Variants in POU6F2 observed in about 807,000 individuals in gnomAD.
POU6F2 encodes the protein POU domain, class 6, transcription factor 2.
In POU6F2, 31 loss-of-function variants were observed where a neutral mutation model predicts 71.3. The observed-to-expected ratio is 0.43, with a 90% CI of 0.33 to 0.59. The LOEUF is 0.59. Among genes scored for constraint, POU6F2 ranks in the 20% least tolerant of loss-of-function variants. POU6F2 has a pLI of 0.04. For synonymous variants in POU6F2, 347 were observed against 355.7 expected (o/e 0.98, Z 0.27); for missense variants, 783 against 856.8 (o/e 0.91, Z 1.07).
At chr7:39,239,622 A>G (rs973703686) in intron 4 of POU6F2, among the ~76,000 whole-genome samples, 2 of 152,142 alleles carry the variant, frequency 1.3e-5, no homozygotes, top group Non-Finnish European at 2.9e-5. Context: ...GTGGACTTAT[A>G]TCTGCCTCAT....
intron 2 of POU6F2, among the ~76,000 whole-genome samples, chr7:39,099,582 G>A (rs939233156): frequency 6.6e-6 from 1 of 152,152 alleles, no homozygotes; most frequent in Admixed American, 6.5e-5. Context: ...GTGTTATGAC[G>A]ATTTTAGAAA....
intron 4 of POU6F2, among the ~76,000 whole-genome samples, chr7:39,261,065 GCACACACACACACACA>G (rs72377948): frequency 6.8e-6 from 1 of 147,876 alleles, no homozygotes. Flanking sequence ...ATACACACAT[GCACACACACACACACA>G]CACACACACA....
chr7:39,451,461 ACTT>A, intron 7 of POU6F2, 69 bp from the exon 8 acceptor site: 1 of 1,423,236 alleles, frequency 7.0e-7, no homozygotes, highest in Non-Finnish European at 9.6e-7. Flanking sequence ...CCCAGATAAA[ACTT>A]CTGTTCCCTG....
intron 2 of POU6F2, among the ~76,000 whole-genome samples, chr7:39,153,577 T>A (rs889221216): frequency 1.6e-4 from 25 of 152,190 alleles, no homozygotes; most frequent in African/African-American, 6.0e-4. Flanking sequence ...AATGAAATCA[T>A]TATCCTCATA....
At position 39,155,067 on chromosome 7, in the gene POU6F2, G is replaced by T. The variant is rs566599338; in HGVS notation, c.278-49168G>T. 7.9e-4 allele frequency among the ~76,000 whole-genome samples: 121 copies of T among 152,234 alleles called. 1 individual carries two copies. Among genetic ancestry groups the T allele is most frequent in the Admixed American group, 5.0e-3 (76 of 15,282 alleles). On this transcript the variant is annotated intron_variant, in intron 2 of 9. Coordinates refer to ENST00000518318, the MANE Select transcript of POU6F2 (RefSeq NM_001370959.1). ...AAAAGAACCACACCTGAAAGTGAAAGTTGAGTAGTGACTTTCCTCAATGAC... is the reference window on the plus strand; with the variant it reads ...AAAAGAACCACACCTGAAAGTGAAATTTGAGTAGTGACTTTCCTCAATGAC...
chr7:39,255,400 C>T (rs1374922214), intron 4 of POU6F2, among the ~76,000 whole-genome samples: 1 of 152,174 alleles, frequency 6.6e-6, no homozygotes, highest in Non-Finnish European at 1.5e-5. Flanking sequence ...ACATATGCCT[C>T]ATGGAAAGAA....
intron 4 of POU6F2, among the ~76,000 whole-genome samples, chr7:39,240,678 G>A (rs1405789856): frequency 6.6e-6 from 1 of 151,996 alleles, no homozygotes; most frequent in Non-Finnish European, 1.5e-5. Context: ...CACAAAGTAG[G>A]TACTAAAAAA....
intron 4 of POU6F2, among the ~76,000 whole-genome samples, chr7:39,220,505 AC>A (rs1562751991): frequency 6.6e-6 from 1 of 152,074 alleles, no homozygotes; most frequent in African/African-American, 2.4e-5. Flanking sequence ...GCAACCGAAA[AC>A]CCGAGCACCT....
chr7:38,990,329 T>G (rs1039228182), intron 1 of POU6F2, among the ~76,000 whole-genome samples: 10 of 152,164 alleles, frequency 6.6e-5, no homozygotes, highest in African/African-American at 2.4e-4. Context: ...CTAACCTTTT[T>G]CCTGTCAAAT....
intron 4 of POU6F2, among the ~76,000 whole-genome samples, chr7:39,334,419 T>G (rs927150509): frequency 6.6e-6 from 1 of 151,942 alleles, no homozygotes; most frequent in Non-Finnish European, 1.5e-5. Flanking sequence ...ATTTGAGGAA[T>G]GGGTACATTA....
chr7:39,400,471 C>A (rs1003824925), intron 5 of POU6F2, among the ~76,000 whole-genome samples: 2 of 152,134 alleles, frequency 1.3e-5, no homozygotes, highest in Admixed American at 6.5e-5. Flanking sequence ...TCCATTTGAC[C>A]CCAAGAGCAA....
chr7:39,245,965 T>G (rs1783811509), intron 4 of POU6F2, among the ~76,000 whole-genome samples: 1 of 152,178 alleles, frequency 6.6e-6, no homozygotes, highest in Admixed American at 6.5e-5. Context: ...ACTGAAATAT[T>G]ATTCATGATT....
intron 4 of POU6F2, among the ~76,000 whole-genome samples, chr7:39,292,815 C>T (rs960855825): frequency 1.3e-5 from 2 of 152,102 alleles, no homozygotes; most frequent in African/African-American, 2.4e-5. Flanking sequence ...TCACTGGGAA[C>T]GTTAAGCTGT....
intron 2 of POU6F2, among the ~76,000 whole-genome samples, chr7:39,193,754 G>T (rs1451277711): frequency 6.6e-6 from 1 of 152,194 alleles, no homozygotes; most frequent in Non-Finnish European, 1.5e-5. Flanking sequence ...AAACCTAATT[G>T]GATAAAGACG....
chr7:39,449,112 C>G (rs554686128), intron 7 of POU6F2, among the ~76,000 whole-genome samples: 4 of 152,188 alleles, frequency 2.6e-5, no homozygotes, highest in African/African-American at 9.6e-5. Flanking sequence ...AGCAACAATA[C>G]GGGTGTTCAC....
At chr7:39,168,241 T>G (rs1415518017) in intron 2 of POU6F2, among the ~76,000 whole-genome samples, 1 of 152,222 alleles carries the variant, frequency 6.6e-6, no homozygotes, top group East Asian at 1.9e-4. Flanking sequence ...TGTATTTGTG[T>G]AGCACCTTAA....
intron 1 of POU6F2, among the ~76,000 whole-genome samples, chr7:39,074,510 AT>A (rs540691666): frequency 7.2e-5 from 11 of 152,226 alleles, no homozygotes; most frequent in African/African-American, 2.6e-4. Flanking sequence ...AATTTAAAAA[AT>A]GTCTTTCTTC....
chr7:39,419,824 G>A (rs1407843557), intron 6 of POU6F2, among the ~76,000 whole-genome samples: 3 of 152,206 alleles, frequency 2.0e-5, no homozygotes, highest in Admixed American at 2.0e-4. Context: ...GACCGGGTAA[G>A]CTGGACAATC....
chr7:39,054,260 T>C (rs565936810), intron 1 of POU6F2, among the ~76,000 whole-genome samples: 3 of 152,232 alleles, frequency 2.0e-5, no homozygotes, highest in African/African-American at 7.2e-5. Flanking sequence ...ATAATAATTA[T>C]TATTATCCTA....
Sources: allele counts gnomAD v4.1 joint callset (sites outside exome capture counted in the v4.1 genomes callset), GRCh38; gene constraint gnomAD v4.1.1; transcripts MANE v1.5; gene names NCBI Gene and HGNC (gene_info 2026-07-23, HGNC 2026-07-21).